The following BCAT1 variants were observed in gnomAD, a reference collection of about 807,000 sequenced individuals.
BCAT1 encodes the protein branched-chain-amino-acid aminotransferase, cytosolic.
A neutral mutation model predicts 52.4 loss-of-function variants in BCAT1; 48 were observed. That is an observed-to-expected ratio of 0.92 (90% CI 0.73 to 1.16). The LOEUF (loss-of-function observed/expected upper bound fraction) is 1.16. BCAT1 is among the 50% of genes most tolerant of loss of function. BCAT1 has a pLI of 0.00. For missense variants in BCAT1, 451 were observed against 457.1 expected (o/e 0.99, Z 0.12); for synonymous variants, 167 against 161.3 (o/e 1.04, Z -0.27).
intron 10 of BCAT1, among the ~76,000 whole-genome samples, chr12:24,824,247 C>CTTCCTTCCTTCCT (rs1940280776): frequency 7.2e-6 from 1 of 138,504 alleles, no homozygotes; most frequent in Non-Finnish European, 1.6e-5. Context: ...TCCTTCCTTC[C>CTTCCTTCCTTCCT]TTCCTTCCTT....
At chr12:24,948,347 G>A in intron 1 of BCAT1, among the ~76,000 whole-genome samples, 1 of 152,202 alleles carries the variant, frequency 6.6e-6, no homozygotes, top group Non-Finnish European at 1.5e-5. Flanking sequence ...GGTGCTCACT[G>A]GTTTAACAAA....
rs1364515485 is a variant in BCAT1, at chr12:24,811,632, G to A, written c.*6376C>T. 6.6e-6 allele frequency: 1 copy of A among 152,044 alleles called. No homozygotes were observed. Among genetic ancestry groups the A allele is most frequent in the South Asian group, 2.1e-4 (1 of 4,824 alleles). 9.4% of individuals were successfully genotyped at this position (152,044 alleles called of 1,614,324 possible). ...CCACATTTCCATTATTACACTTTTA[G>A]TGAGCTAAAATCCTTTTAACATAGC... On this transcript the variant is annotated 3_prime_UTR_variant, in exon 11 of 11. Transcript: ENST00000261192.
chr12:24,935,511 G>A (rs1429740067), intron 1 of BCAT1, among the ~76,000 whole-genome samples: 2 of 151,974 alleles, frequency 1.3e-5, no homozygotes, highest in Non-Finnish European at 2.9e-5. Context: ...CCTAACCTAC[G>A]CCACAAGGAA....
chr12:24,836,767 C>G (rs1053684308), intron 7 of BCAT1, among the ~76,000 whole-genome samples, 171 bp from the exon 8 acceptor site: 9 of 134,392 alleles, frequency 6.7e-5, no homozygotes, highest in Non-Finnish European at 1.4e-4. Context: ...TTCAGGTAGA[C>G]CCTTATTTAA....
At chr12:24,844,003 T>G (rs1036659827) in intron 6 of BCAT1, among the ~76,000 whole-genome samples, 1 of 151,996 alleles carries the variant, frequency 6.6e-6, no homozygotes, top group Non-Finnish European at 1.5e-5. Context: ...TAGGCCAACA[T>G]GGAGCCAGAA....
At chr12:24,833,822 C>CTTTTT (rs745348842) in intron 8 of BCAT1, 9 of 137,818 alleles carry the variant, frequency 6.5e-5, no homozygotes, top group African/African-American at 2.4e-4. Context: ...TTGTCTCTTT[C>CTTTTT]TTTTTTTTTT....
In BCAT1 at chr12:24,813,561, T is replaced by C. The variant is rs1939765543; in HGVS notation, c.*4447A>G. On this transcript the variant is annotated 3_prime_UTR_variant, in exon 11 of 11. Coordinates refer to ENST00000261192, the MANE Select transcript of BCAT1 (RefSeq NM_005504.7). The stretch of plus-strand genomic sequence containing the variant: ...TAATCTGTGGTGTTAATTTATTAGG[T>C]GCACCATGATAACTCAACATTGTTT... The C allele has an allele frequency of 6.6e-6, 1 of 152,008 alleles. No individual in the cohort carries two copies. Among genetic ancestry groups the C allele is most frequent in the South Asian group, 2.1e-4 (1 of 4,826 alleles). The allele number at this position is 152,008 out of a possible 1,614,324, so 9.4% of individuals were successfully genotyped here.
At chr12:24,901,538 AACTAGTTTAATATTTACGCATTG>A (rs1332067372) in intron 2 of BCAT1, among the ~76,000 whole-genome samples, 8 of 152,258 alleles carry the variant, frequency 5.3e-5, no homozygotes, top group Non-Finnish European at 1.0e-4. Context: ...TCTGATAAAC[AACTAGTTTAATATTTACGCATTG>A]ACTATTTTTC....
At chr12:24,823,719 G>A (rs1170392555) in intron 10 of BCAT1, among the ~76,000 whole-genome samples, 1 of 152,122 alleles carries the variant, frequency 6.6e-6, no homozygotes, top group East Asian at 1.9e-4. Flanking sequence ...TTCCCACCAT[G>A]TAATATGTAC....
chr12:24,863,689 G>A (rs1323519964), intron 5 of BCAT1, among the ~76,000 whole-genome samples: 1 of 152,180 alleles, frequency 6.6e-6, no homozygotes, highest in Non-Finnish European at 1.5e-5. Flanking sequence ...CAGCACTTTG[G>A]GAATCCTGGG....
rs183717155 is a variant in BCAT1, at chr12:24,932,923, T to G, written c.6+16004A>C. 3.9e-3 allele frequency among the ~76,000 whole-genome samples: 592 copies of G among 152,274 alleles called. 7 individuals carry two copies. Among genetic ancestry groups the G allele is most frequent in the Admixed American group, 9.4e-3 (144 of 15,284 alleles). On this transcript the variant is annotated intron_variant, in intron 1 of 10. Transcript: ENST00000261192. ...GCCTCCCAGGTTCAAGTGATTCTCC[T>G]GCCTCAGCCTCCCGAGTAGCTGGGA...
At position 24,810,922 on chromosome 12, in the gene BCAT1, A is replaced by G. The variant is rs1285054177; in HGVS notation, c.*7086T>C. ...GGCTAAAAGGGACACTTCATTGAAG[A>G]TCTCTAGGCCTTTTACTTTTTAAAG... is the stretch of plus-strand genomic sequence containing the variant. On this transcript the variant is annotated 3_prime_UTR_variant, in exon 11 of 11. Transcript: ENST00000261192. 6.6e-6 allele frequency: 1 copy of G among 152,010 alleles called. No individual in the cohort carries two copies. Among genetic ancestry groups the G allele is most frequent in the Non-Finnish European group, 1.5e-5 (1 of 67,984 alleles). The allele number at this position is 152,010 out of a possible 1,614,324, so 9.4% of individuals were successfully genotyped here.
At chr12:24,827,781 G>A (rs1407354768) in intron 10 of BCAT1, among the ~76,000 whole-genome samples, 1 of 152,158 alleles carries the variant, frequency 6.6e-6, no homozygotes, top group Non-Finnish European at 1.5e-5. Context: ...AACAGAGTAA[G>A]ACTCTGTCTC....
Position 24,832,750 on chromosome 12 carries a change from T to C in BCAT1, c.1017A>G (p.Pro339=), listed in dbSNP as rs746582779. The C allele has an allele frequency of 7.4e-6, 12 of 1,611,190 alleles. No individual in the cohort carries two copies. The Admixed American group carries it at 1.8e-4, about 25-fold the overall frequency. ...FGSGTACVVC[P]VSDILYKGET... is the part of the protein sequence containing the mutation. ...CGCCTTTGTACAGTATATCAGAAAC[T>C]GGGCAAACAACACAGGCTGTACCAG... The change falls in exon 9 of 11, where the codon CCA becomes CCG. Residue 339 remains proline, a synonymous_variant. Coordinates refer to ENST00000261192, the MANE Select transcript of BCAT1 (RefSeq NM_005504.7).
intron 1 of BCAT1, among the ~76,000 whole-genome samples, chr12:24,913,923 T>C (rs1182272099): frequency 6.6e-6 from 1 of 152,036 alleles, no homozygotes; most frequent in African/African-American, 2.4e-5. Flanking sequence ...TTTTTAGGTT[T>C]TATGGTTGGC....
intron 2 of BCAT1, among the ~76,000 whole-genome samples, chr12:24,900,145 T>C (rs181447350): frequency 6.6e-6 from 1 of 152,308 alleles, no homozygotes; most frequent in Admixed American, 6.5e-5. Context: ...CCCTAAATTA[T>C]CAATATCATT....
intron 1 of BCAT1, among the ~76,000 whole-genome samples, chr12:24,906,264 T>A (rs1234954875): frequency 6.6e-6 from 1 of 151,900 alleles, no homozygotes; most frequent in East Asian, 1.9e-4. Flanking sequence ...CCTCCTTGGA[T>A]CTGACTTGCT....
intron 7 of BCAT1, among the ~76,000 whole-genome samples, chr12:24,836,867 A>G (rs61914865): frequency 0.31 from 33,309 of 106,396 alleles, 6,741 homozygotes; most frequent in Non-Finnish European, 0.41. Context: ...GAAGGAAGGA[A>G]GGAAAGAGAA....
At chr12:24,863,617 C>T (rs1006328971) in intron 5 of BCAT1, among the ~76,000 whole-genome samples, 3 of 152,214 alleles carry the variant, frequency 2.0e-5, no homozygotes, top group Admixed American at 2.0e-4. Flanking sequence ...GGAGGTGCTA[C>T]AGTGAGTCAC....
Sources: allele counts gnomAD v4.1 joint callset (sites outside exome capture counted in the v4.1 genomes callset), GRCh38; gene constraint gnomAD v4.1.1; transcripts MANE v1.5; gene names NCBI Gene and HGNC (gene_info 2026-07-23, HGNC 2026-07-21).